CDKN2B-AS1: variants seen among roughly 807,000 people sequenced by gnomAD.
CDKN2B-AS1 encodes CDKN2B antisense RNA 1 (non-protein coding).
At chr9:22,036,105 A>G (rs1299745269) in intron 1 of CDKN2B-AS1, among the ~76,000 whole-genome samples, 3 of 152,156 alleles carry the variant, frequency 2.0e-5, no homozygotes, top group Admixed American at 2.0e-4. Context: ...AAGAATAAAG[A>G]CAAATGAGAA....
At chr9:22,036,322 A>G (rs1460091520) in intron 1 of CDKN2B-AS1, among the ~76,000 whole-genome samples, 1 of 152,156 alleles carries the variant, frequency 6.6e-6, no homozygotes. Context: ...GACCAATAGT[A>G]TAAGTCTTTA....
chr9:22,006,291 T>C lies in CDKN2B-AS1; in HGVS notation n.29+11130T>C, dbSNP rs1423195135. ...TGGTCAGAGCCAGGGTGGGGGCAGG[T>C]ATGGGAGATGCCGGCCGGGGCAAGG... On this transcript the variant is annotated intron_variant and non_coding_transcript_variant, in intron 1 of 4. Coordinates refer to ENST00000650946, the Ensembl canonical transcript of CDKN2B-AS1. The surrounding 1 kb of genome is among the most constrained non-coding windows in gnomAD (Gnocchi z 6.4). The C allele has an allele frequency of 6.3e-7, 1 of 1,599,026 alleles. No homozygotes were observed. The highest frequency in any genetic ancestry group is 8.5e-7 in the Non-Finnish European group (1 of 1,179,608).
chr9:22,054,041 C>T (rs7030641), intron 3 of CDKN2B-AS1, among the ~76,000 whole-genome samples: 109,191 of 152,014 alleles, frequency 0.72, 41,020 homozygotes, highest in African/African-American at 0.93. Context: ...TCCTAATCTG[C>T]AAAACGGAAA....
intron 1 of CDKN2B-AS1, among the ~76,000 whole-genome samples, chr9:22,027,728 A>G (rs948601719): frequency 6.6e-6 from 1 of 152,198 alleles, no homozygotes; most frequent in African/African-American, 2.4e-5. Context: ...GACAAAGAGT[A>G]AAAGATTCCT....
At chr9:22,047,939 T>C (rs565932523) in intron 2 of CDKN2B-AS1, among the ~76,000 whole-genome samples, 1 of 148,390 alleles carries the variant, frequency 6.7e-6, no homozygotes, top group East Asian at 2.1e-4. Flanking sequence ...TGATGTGCAC[T>C]CCCATGTGCG....
chr9:22,080,104 C>T (rs1824644257), intron 4 of CDKN2B-AS1, among the ~76,000 whole-genome samples: 2 of 152,210 alleles, frequency 1.3e-5, no homozygotes, highest in South Asian at 2.1e-4. Context: ...TCAGATGGTA[C>T]TGAATGAATA....
chr9:22,015,804 G>A (rs1322039614), intron 1 of CDKN2B-AS1, among the ~76,000 whole-genome samples: 1 of 152,134 alleles, frequency 6.6e-6, no homozygotes, highest in East Asian at 1.9e-4. Flanking sequence ...GTGTGAGATG[G>A]TATCTCATTG....
rs369147879 is a variant in CDKN2B-AS1, at chr9:22,107,633, A to T, written n.439-19470A>T. Among the ~76,000 whole-genome samples, 17 of 152,286 alleles carry T rather than the reference A, an allele frequency of 1.1e-4. No homozygotes were observed. The East Asian group carries it at 1.2e-3, about 10-fold the overall frequency. ...CAGGGGCCTTGGAGCGGATGACCTAAAGCTGCTTTCTCCTGTCCTGACTTT... is the reference window on the plus strand; with the variant it reads ...CAGGGGCCTTGGAGCGGATGACCTATAGCTGCTTTCTCCTGTCCTGACTTT... On this transcript the variant is annotated intron_variant and non_coding_transcript_variant, in intron 4 of 4. Coordinates refer to ENST00000650946, the Ensembl canonical transcript of CDKN2B-AS1.
chr9:22,072,728 T>G (rs1397774666), intron 4 of CDKN2B-AS1, among the ~76,000 whole-genome samples: 1 of 152,238 alleles, frequency 6.6e-6, no homozygotes, highest in African/African-American at 2.4e-5. Flanking sequence ...CAAGGCAGCC[T>G]AACTTGTGAG....
intron 1 of CDKN2B-AS1, among the ~76,000 whole-genome samples, chr9:22,041,584 T>G (rs890920937): frequency 2.0e-5 from 3 of 152,102 alleles, no homozygotes; most frequent in African/African-American, 7.2e-5. Flanking sequence ...CATGGTGACC[T>G]TCTGTTGTAA....
At chr9:22,033,489 T>G (rs895649569) in intron 1 of CDKN2B-AS1, among the ~76,000 whole-genome samples, 8 of 152,236 alleles carry the variant, frequency 5.3e-5, no homozygotes, top group Admixed American at 2.6e-4. Flanking sequence ...TACTGGCAAG[T>G]CAGATGGCAG....
rs143298157 is a variant in CDKN2B-AS1, at chr9:22,089,757, T to C, written n.438+33370T>C. 1.4e-3 allele frequency among the ~76,000 whole-genome samples: 218 copies of C among 152,050 alleles called. 3 individuals carry two copies. The East Asian group carries it at 0.019, about 13-fold the overall frequency. ...GAGCTACTTTGCCCCCTAGCAGACG[T>C]CTTACTTTTTTTTTTAATTTGGTAT... On this transcript the variant is annotated intron_variant and non_coding_transcript_variant, in intron 4 of 4. Transcript: ENST00000650946.
chr9:22,009,100 C>A, intron 1 of CDKN2B-AS1: 1 of 1,266,958 alleles, frequency 7.9e-7, no homozygotes, highest in Non-Finnish European at 1.1e-6. Flanking sequence ...TCCCGTCGTC[C>A]TTCTGCGGCT....
Position 21,997,617 on chromosome 9 carries a change from A to G in CDKN2B-AS1, n.29+2456A>G, listed in dbSNP as rs544994155. On this transcript the variant is annotated intron_variant and non_coding_transcript_variant, in intron 1 of 4. Coordinates refer to ENST00000650946, the Ensembl canonical transcript of CDKN2B-AS1. This position sits in a 1 kb window ranked among gnomAD's most constrained non-coding sequence, Gnocchi z 4.8. ...GTTGCAAGACTTGAATCCAAAGGCA[A>G]TCTGGAAGCAGAATTTCTTCTTCCT... Among the ~76,000 whole-genome samples the G allele has an allele frequency of 1.3e-5, 2 of 152,160 alleles. No individual in the cohort carries two copies. Among genetic ancestry groups the G allele is most frequent in the East Asian group, 1.9e-4 (1 of 5,188 alleles).
chr9:22,110,743 C>A (rs1825785340), intron 4 of CDKN2B-AS1, among the ~76,000 whole-genome samples: 1 of 152,066 alleles, frequency 6.6e-6, no homozygotes, highest in South Asian at 2.1e-4. Flanking sequence ...TACCATTTTA[C>A]CTGTCTTTAG....
At chr9:22,057,898 C>T (rs1823639305) in intron 4 of CDKN2B-AS1, among the ~76,000 whole-genome samples, 1 of 151,818 alleles carries the variant, frequency 6.6e-6, no homozygotes, top group African/African-American at 2.4e-5. Flanking sequence ...GGTGGATCAC[C>T]TGAGGTCAGG....
Position 22,006,118 on chromosome 9 carries a change from G to T in CDKN2B-AS1, n.29+10957G>T. On this transcript the variant is annotated intron_variant and non_coding_transcript_variant, in intron 1 of 4. Transcript: ENST00000650946. The surrounding 1 kb of genome is among the most constrained non-coding windows in gnomAD (Gnocchi z 6.4). ...GCCCCGGCCCGGTGCAGCACCACCA[G>T]CGTGTCCAGGAAGCCCTCCCGGGCA... The T allele has an allele frequency of 6.2e-7, 1 of 1,610,734 alleles. No homozygotes were observed. The highest frequency in any genetic ancestry group is 8.5e-7 in the Non-Finnish European group (1 of 1,179,820).
At chr9:22,046,900 G>A (rs369257286) in exon 2 of CDKN2B-AS1, 1 of 152,114 alleles carries the variant, frequency 6.6e-6, no homozygotes, top group East Asian at 1.9e-4. Flanking sequence ...TGGAAAGAGA[G>A]GTAATGAGAT....
chr9:21,997,092 T>C lies in CDKN2B-AS1; in HGVS notation n.29+1931T>C, dbSNP rs1320199834. 6.6e-6 allele frequency among the ~76,000 whole-genome samples: 1 copy of C among 152,176 alleles called. No individual in the cohort carries two copies. The highest frequency in any genetic ancestry group is 1.5e-5 in the Non-Finnish European group (1 of 68,030). ...GTATCTTTAGGCGATTTCATTGTTG[T>C]GCAAACATCATATACAAACCTAGGT... On this transcript the variant is annotated intron_variant and non_coding_transcript_variant, in intron 1 of 4. Coordinates refer to ENST00000650946, the Ensembl canonical transcript of CDKN2B-AS1. This position sits in a 1 kb window ranked among gnomAD's most constrained non-coding sequence, Gnocchi z 4.8.
Sources: allele counts gnomAD v4.1 joint callset (sites outside exome capture counted in the v4.1 genomes callset), GRCh38; gene constraint gnomAD v4.1.1; non-coding constraint Gnocchi (gnomAD v3.1); transcripts MANE v1.5; gene names NCBI Gene and HGNC (gene_info 2026-07-23, HGNC 2026-07-21).